Variants in CSMD1 observed in about 807,000 individuals in gnomAD.
The protein encoded by CSMD1 is CUB and sushi domain-containing protein 1.
Under a neutral mutation model 417.5 loss-of-function variants are expected in CSMD1, and 213 were observed. The observed-to-expected ratio is 0.51, with a 90% confidence interval of 0.46 to 0.57. The LOEUF (loss-of-function observed/expected upper bound fraction) is 0.57. CSMD1 is among the 20% of genes least tolerant of loss of function. The pLI is 0.00. For missense variants in CSMD1, 6,923 were observed against 4,529.7 expected (o/e 1.53, Z -15.17); for synonymous variants, 2,862 against 1,736.8 (o/e 1.65, Z -16.11).
intron 19 of CSMD1, 111 bp from the exon 20 acceptor site, chr8:3,367,358 T>C (rs1809663300): frequency 1.5e-6 from 1 of 668,998 alleles, no homozygotes; most frequent in African/African-American, 1.9e-5. Flanking sequence ...ATGACAGAGA[T>C]GGAGAGGAAG....
intron 5 of CSMD1, among the ~76,000 whole-genome samples, chr8:3,900,384 T>C (rs920745408): frequency 1.3e-5 from 2 of 151,102 alleles, no homozygotes; most frequent in African/African-American, 2.4e-5. Context: ...ACAGTGCAGC[T>C]GGGTGACAGT....
chr8:3,922,600 G>C (rs1198288049), intron 5 of CSMD1, among the ~76,000 whole-genome samples: 6 of 152,082 alleles, frequency 3.9e-5, no homozygotes, highest in Non-Finnish European at 8.8e-5. Context: ...ACATCTTCTG[G>C]TTAAAGCAGT....
intron 12 of CSMD1, among the ~76,000 whole-genome samples, chr8:3,417,000 T>C (rs1209151425): frequency 6.6e-6 from 1 of 152,234 alleles, no homozygotes; most frequent in Non-Finnish European, 1.5e-5. Context: ...TTGGATTATA[T>C]AAGCTGATAT....
At chr8:4,279,937 A>T (rs1401361109) in intron 3 of CSMD1, among the ~76,000 whole-genome samples, 2 of 152,230 alleles carry the variant, frequency 1.3e-5, no homozygotes, top group African/African-American at 4.8e-5. Flanking sequence ...GATACAAATC[A>T]CAAGAAAAGT....
At chr8:3,223,004 G>A (rs1157343912) in intron 28 of CSMD1, among the ~76,000 whole-genome samples, 1 of 152,122 alleles carries the variant, frequency 6.6e-6, no homozygotes, top group African/African-American at 2.4e-5. Flanking sequence ...TAGCTGAAAG[G>A]TCAATAGGAA....
At chr8:4,827,173 C>T (rs1052440059) in intron 1 of CSMD1, among the ~76,000 whole-genome samples, 1 of 152,096 alleles carries the variant, frequency 6.6e-6, no homozygotes. Flanking sequence ...GCAAAGTTTT[C>T]GTTGCCATGC....
chr8:4,276,038 T>C (rs1033707291), intron 3 of CSMD1, among the ~76,000 whole-genome samples: 1 of 152,174 alleles, frequency 6.6e-6, no homozygotes, highest in African/African-American at 2.4e-5. Context: ...GTAAATTAGT[T>C]CAACCGTTGT....
At chr8:4,280,685 A>C (rs552445757) in intron 3 of CSMD1, among the ~76,000 whole-genome samples, 148 of 152,354 alleles carry the variant, frequency 9.7e-4, no homozygotes, top group African/African-American at 3.5e-3. Context: ...AACCTTGTCT[A>C]GATGAGCACA....
At chr8:4,490,709 C>A (rs117770597) in intron 2 of CSMD1, among the ~76,000 whole-genome samples, 2 of 152,266 alleles carry the variant, frequency 1.3e-5, no homozygotes, top group Non-Finnish European at 2.9e-5. Flanking sequence ...ACTTCAGGTG[C>A]ATGGGAGACA....
rs1478114433 is a variant in CSMD1, at chr8:3,616,784, ACCT to A, written c.1020_1022del (p.Gly341del). The A allele has an allele frequency of 3.1e-6, 5 of 1,610,512 alleles. No homozygotes were observed. Among genetic ancestry groups the A allele is most frequent in the African/African-American group, 1.3e-5 (1 of 74,810 alleles). ...GACACATGTCAGAGACCAATGCAAC[ACCT>A]CCTTGGCTCACTGTAATAGACAGAA... On this transcript the variant is annotated inframe_deletion, in exon 8 of 70. Transcript: ENST00000635120.
At chr8:3,473,801 G>A (rs1258088150) in intron 11 of CSMD1, among the ~76,000 whole-genome samples, 2 of 152,246 alleles carry the variant, frequency 1.3e-5, no homozygotes, top group Admixed American at 1.3e-4. Context: ...CCAAGACCTA[G>A]AGACTGGGTA....
intron 26 of CSMD1, among the ~76,000 whole-genome samples, chr8:3,267,341 G>C (rs528938869): frequency 6.6e-6 from 1 of 152,232 alleles, no homozygotes; most frequent in South Asian, 2.1e-4. Flanking sequence ...CATCTATCGC[G>C]TACGAAAGGG....
intron 1 of CSMD1, among the ~76,000 whole-genome samples, chr8:4,654,707 G>A (rs1485424910): frequency 1.3e-5 from 2 of 152,096 alleles, no homozygotes; most frequent in Admixed American, 6.5e-5. Flanking sequence ...TGTGGAAGAG[G>A]TGTCTTATTT....
Position 2,954,263 on chromosome 8 carries a change from C to A in CSMD1, c.10000G>T (p.Gly3334Ter). ...TGKSPVCKSK[G>*]VREVNETVTK... is the part of the protein sequence containing the mutation. The stretch of plus-strand genomic sequence containing the variant: ...ACTGTTTCATTAACTTCTCTCACTC[C>A]TTTACCTACAAGTAAAAAGACAAAT... Residue 3334 changes from glycine to a stop codon, truncating the protein, a stop_gained, in exon 65 of 70, where the codon GGA becomes TGA. Transcript: ENST00000635120. LOFTEE classifies it high-confidence loss of function. 1 of 1,479,174 alleles carries A rather than the reference C, an allele frequency of 6.8e-7. No individual in the cohort carries two copies. The highest frequency in any genetic ancestry group is 9.2e-7 in the Non-Finnish European group (1 of 1,090,128). The allele number at this position is 1,479,174 out of a possible 1,614,324, so 91.6% of individuals were successfully genotyped here.
chr8:3,120,558 C>T (rs566229424), intron 41 of CSMD1, among the ~76,000 whole-genome samples: 2 of 152,142 alleles, frequency 1.3e-5, no homozygotes, highest in African/African-American at 4.8e-5. Context: ...TTTAAAATGA[C>T]AATGTGCAGG....
At chr8:3,093,630 T>C (rs1815103883) in intron 47 of CSMD1, among the ~76,000 whole-genome samples, 1 of 151,774 alleles carries the variant, frequency 6.6e-6, no homozygotes, top group African/African-American at 2.4e-5. Flanking sequence ...GTTGTGCCAT[T>C]GCACTCCAGC....
In CSMD1 at chr8:4,016,589, C is replaced by T. The variant is rs546946839; in HGVS notation, c.610+15316G>A. 2.7e-3 allele frequency among the ~76,000 whole-genome samples: 418 copies of T among 152,252 alleles called. 1 individual carries two copies. The highest frequency in any genetic ancestry group is 4.0e-3 in the Non-Finnish European group (270 of 68,020). On this transcript the variant is annotated intron_variant, in intron 4 of 69. Coordinates refer to ENST00000635120, the MANE Select transcript of CSMD1 (RefSeq NM_033225.6). ...TCACTTAGTCCTCAATCCTAAAAAG[C>T]CTTTCCCCAGATGAGGAAAATTATT... is the stretch of plus-strand genomic sequence containing the variant.
intron 10 of CSMD1, among the ~76,000 whole-genome samples, chr8:3,516,679 G>T (rs1288706132): frequency 6.6e-6 from 1 of 152,006 alleles, no homozygotes; most frequent in Non-Finnish European, 1.5e-5. Flanking sequence ...GGTACAGGTG[G>T]TATTTGGTTA....
At chr8:3,303,795 C>A (rs947833876) in intron 25 of CSMD1, among the ~76,000 whole-genome samples, 2 of 152,190 alleles carry the variant, frequency 1.3e-5, no homozygotes, top group Admixed American at 6.5e-5. Context: ...TACCAAATAA[C>A]TTTCAATGGG....
Sources: allele counts gnomAD v4.1 joint callset (sites outside exome capture counted in the v4.1 genomes callset), GRCh38; gene constraint gnomAD v4.1.1; transcripts MANE v1.5; gene names NCBI Gene and HGNC (gene_info 2026-07-23, HGNC 2026-07-21).